Variants in ARSK observed in about 807,000 individuals in gnomAD.
ARSK encodes the protein arylsulfatase family member K, also known as arylsulfatase K.
ARSK carries 37 observed loss-of-function variants against 53.2 expected under a neutral mutation model. The observed-to-expected ratio is 0.70, with a 90% confidence interval of 0.54 to 0.92. The LOEUF is 0.92. ARSK is among the 40% of genes least tolerant of loss of function. The pLI is 0.00. For synonymous variants in ARSK, 208 were observed against 223.2 expected (o/e 0.93, Z 0.61); for missense variants, 613 against 643.0 (o/e 0.95, Z 0.51).
chr5:95,588,745 C>T (rs1749164673), intron 5 of ARSK, among the ~76,000 whole-genome samples: 1 of 151,942 alleles, frequency 6.6e-6, no homozygotes, highest in Non-Finnish European at 1.5e-5. Context: ...AAGCGGATCA[C>T]AAGGTCAAGG....
chr5:95,566,075 T>G lies in ARSK; in HGVS notation c.204T>G (p.Thr68=), dbSNP rs759490910. ...TCAACTTTATGAAGACACGTGGGAC[T>G]TCCTTTCTGAATGCCTACACAAACT... The part of the protein sequence containing the change: ...PFINFMKTRG[T]SFLNAYTNSP... Residue 68 remains threonine, a synonymous_variant, in exon 2 of 8, where the codon ACT becomes ACG. Transcript: ENST00000380009. 1.3e-5 allele frequency: 21 copies of G among 1,613,822 alleles called. No individual in the cohort carries two copies. In the South Asian group the frequency reaches 1.9e-4, roughly 14 times the overall value.
At chr5:95,597,107 C>T (rs1749321980) in intron 6 of ARSK, among the ~76,000 whole-genome samples, 1 of 152,062 alleles carries the variant, frequency 6.6e-6, no homozygotes, top group Admixed American at 6.6e-5. Context: ...TACCTGGTAT[C>T]AGCATCTTTT....
At position 95,555,248 on chromosome 5, in the gene ARSK, C is replaced by T. The variant is rs370861379; in HGVS notation, c.-31C>T. 69 of 1,565,446 alleles carry T rather than the reference C, an allele frequency of 4.4e-5. 1 individual carries two copies. In the African/African-American group the frequency reaches 8.1e-4, roughly 18 times the overall value. On this transcript the variant is annotated 5_prime_UTR_variant, in exon 1 of 8. Coordinates refer to ENST00000380009, the MANE Select transcript of ARSK (RefSeq NM_198150.3). This position sits in a 1 kb window ranked among gnomAD's most constrained non-coding sequence, Gnocchi z 4.0. ...GAACGCCAGAGGGAGGCGGCTGGCC[C>T]GGCGGCAGGCTCTCAGAACCGCTAC...
In ARSK at chr5:95,555,128, G is replaced by A. The variant is rs1228224948; in HGVS notation, c.-151G>A. The A allele has an allele frequency of 1.7e-6, 1 of 601,520 alleles. No homozygotes were observed. The highest frequency in any genetic ancestry group is 1.7e-5 in the South Asian group (1 of 58,478). The allele number at this position is 601,520 out of a possible 1,614,324, so 37.3% of individuals were successfully genotyped here. ...GCGCGCTCTCCGCCTGATAGGAGTT[G>A]TAGTTCTGCGGGTGAAGCTCGGCGT... On this transcript the variant is annotated 5_prime_UTR_variant, in exon 1 of 8. Coordinates refer to ENST00000380009, the MANE Select transcript of ARSK (RefSeq NM_198150.3). This position sits in a 1 kb window ranked among gnomAD's most constrained non-coding sequence, Gnocchi z 4.0.
chr5:95,597,085 TTTC>T (rs1239457528), intron 6 of ARSK, among the ~76,000 whole-genome samples: 3 of 152,140 alleles, frequency 2.0e-5, no homozygotes, highest in Non-Finnish European at 4.4e-5. Context: ...CCCGAAATAT[TTTC>T]TTCTCTAATA....
intron 6 of ARSK, among the ~76,000 whole-genome samples, chr5:95,592,071 T>C (rs1454959187): frequency 6.6e-6 from 1 of 152,250 alleles, no homozygotes; most frequent in South Asian, 2.1e-4. Flanking sequence ...AGCTTCTTAA[T>C]GTCTACAAGC....
rs568901209 is a variant in ARSK, at chr5:95,579,483, A to C, written c.417-3433A>C. Among the ~76,000 whole-genome samples, 43 of 152,286 alleles carry C rather than the reference A, an allele frequency of 2.8e-4. No homozygotes were observed. In the South Asian group the frequency reaches 7.3e-3, roughly 26 times the overall value. On this transcript the variant is annotated intron_variant, in intron 3 of 7. Transcript: ENST00000380009. ...GATCTCAGGAGACTTATTCACTACCACCAGAACAGTATGGGGGAAACCATC... is the reference window on the plus strand; with the variant it reads ...GATCTCAGGAGACTTATTCACTACCCCCAGAACAGTATGGGGGAAACCATC...
At chr5:95,575,961 A>T (rs1456874791) in intron 3 of ARSK, among the ~76,000 whole-genome samples, 1 of 152,104 alleles carries the variant, frequency 6.6e-6, no homozygotes, top group Non-Finnish European at 1.5e-5. Context: ...GTTGTGTTCC[A>T]GATCTTAGAG....
At chr5:95,584,103 T>C (rs1390723774) in intron 4 of ARSK, among the ~76,000 whole-genome samples, 1 of 152,228 alleles carries the variant, frequency 6.6e-6, no homozygotes, top group South Asian at 2.1e-4. Flanking sequence ...CTTCCAGCCT[T>C]GTCACTTTTC....
At chr5:95,582,791 A>T in intron 3 of ARSK, 125 bp from the exon 4 acceptor site, 1 of 916,396 alleles carries the variant, frequency 1.1e-6, no homozygotes, top group Non-Finnish European at 1.6e-6. Context: ...TAATATAGTT[A>T]TTCTGAACAT....
intron 1 of ARSK, among the ~76,000 whole-genome samples, chr5:95,561,680 T>C (rs1748637579): frequency 1.3e-5 from 2 of 152,306 alleles, no homozygotes; most frequent in African/African-American, 4.8e-5. Context: ...TCATATGAAA[T>C]GTCCAGAAAA....
intron 1 of ARSK, among the ~76,000 whole-genome samples, chr5:95,561,033 T>C (rs1293820544): frequency 2.0e-5 from 3 of 152,138 alleles, no homozygotes; most frequent in African/African-American, 7.2e-5. Flanking sequence ...ATGGTCTCGA[T>C]CTCCTGACCT....
chr5:95,576,905 G>A (rs924034147), intron 3 of ARSK, among the ~76,000 whole-genome samples: 5 of 152,052 alleles, frequency 3.3e-5, no homozygotes, highest in Admixed American at 6.6e-5. Context: ...TTTAAATTCT[G>A]TAAATAGGGA....
rs1748755640 is a variant in ARSK, at chr5:95,567,950, A to G, written c.317A>G (p.Asp106Gly). The G allele has an allele frequency of 1.2e-6, 2 of 1,613,562 alleles. No individual in the cohort carries two copies. The highest frequency in any genetic ancestry group is 1.7e-6 in the Non-Finnish European group (2 of 1,179,796). Residue 106 changes from aspartate (D) to glycine (G), a missense_variant, in exon 3 of 8, where the codon GAT (aspartate) becomes GGT (glycine). Coordinates refer to ENST00000380009, the MANE Select transcript of ARSK (RefSeq NM_198150.3). ...TESWNNFKGL[D>G]PNYTTWMDVM... is the part of the protein sequence containing the mutation. ...TCTTGGAATAATTTTAAGGGTCTAGATCCAAATTATACAACATGGATGGAT... is the reference window on the plus strand; with the variant it reads ...TCTTGGAATAATTTTAAGGGTCTAGGTCCAAATTATACAACATGGATGGAT...
intron 6 of ARSK, among the ~76,000 whole-genome samples, chr5:95,594,611 G>A (rs377428691): frequency 6.6e-6 from 1 of 152,218 alleles, no homozygotes; most frequent in African/African-American, 2.4e-5. Context: ...GGAGGTGGAG[G>A]CGGGTGGATC....
In ARSK at chr5:95,586,665, C is replaced by T. The variant is rs369059088; in HGVS notation, c.803C>T (p.Thr268Ile). The change falls in exon 5 of 8, where the codon ACA becomes ATA. Residue 268 changes from threonine (T) to isoleucine (I), a missense_variant. Coordinates refer to ENST00000380009, the MANE Select transcript of ARSK (RefSeq NM_198150.3). The part of the protein sequence containing the change: ...SYTKNCTGRF[T>I]KKEIKNIRAF... Reference sequence around the variant, plus strand: ...ACAAAAAACTGCACTGGAAGATTTACAAAAAAAGAAATTAAGAATATTAGA... The same window carrying T: ...ACAAAAAACTGCACTGGAAGATTTATAAAAAAAGAAATTAAGAATATTAGA... The T allele has an allele frequency of 1.9e-6, 3 of 1,610,468 alleles. No homozygotes were observed. In the South Asian group the frequency reaches 3.3e-5, roughly 18 times the overall value.
chr5:95,566,284 T>C (rs1450748207), intron 2 of ARSK, among the ~76,000 whole-genome samples, 157 bp downstream of exon 2: 1 of 152,318 alleles, frequency 6.6e-6, no homozygotes, highest in Non-Finnish European at 1.5e-5. Context: ...ATATTGGCTA[T>C]TGGGGTTGTT....
At chr5:95,586,845 G>C in intron 5 of ARSK, 112 bp downstream of exon 5, 3 of 847,046 alleles carry the variant, frequency 3.5e-6, no homozygotes, top group Non-Finnish European at 5.2e-6. Context: ...ATAACTATAG[G>C]AATCTTGACA....
intron 1 of ARSK, among the ~76,000 whole-genome samples, chr5:95,564,039 G>A (rs146337118): frequency 0.043 from 6,304 of 147,434 alleles, 211 homozygotes; most frequent in Non-Finnish European, 0.059. Flanking sequence ...GTGCAGTGGC[G>A]CCATCTCAGC....
Sources: gnomAD v4.1 joint callset for allele counts (sites outside exome capture counted in the v4.1 genomes callset) on GRCh38, gnomAD v4.1.1 for gene constraint, Gnocchi (gnomAD v3.1) non-coding constraint, MANE v1.5 for transcripts, NCBI Gene and HGNC (gene_info 2026-07-23, HGNC 2026-07-21) for gene names.